PPP2R1A: variants seen among roughly 807,000 people sequenced by gnomAD.
The protein encoded by PPP2R1A is serine/threonine-protein phosphatase 2A 65 kDa regulatory subunit A alpha isoform.
Under a neutral mutation model 67.1 loss-of-function variants are expected in PPP2R1A, and 15 were observed. The observed-to-expected ratio is 0.22, with a 90% CI of 0.15 to 0.34. The LOEUF is 0.34. PPP2R1A is among the 10% of genes least tolerant of loss of function. The pLI is 1.00. For synonymous variants in PPP2R1A, 337 were observed against 325.0 expected (o/e 1.04, Z -0.40); for missense variants, 369 against 775.0 (o/e 0.48, Z 6.22).
At position 52,216,772 on chromosome 19, in the gene PPP2R1A, A is replaced by G. The variant is rs1177520872; in HGVS notation, c.1128+109A>G. Reference sequence around the variant, plus strand: ...CAGGAATCTGCTGATATCTCAACAGACATCCAGATCTTTGCTGAGTTGCAT... The same window carrying G: ...CAGGAATCTGCTGATATCTCAACAGGCATCCAGATCTTTGCTGAGTTGCAT... On this transcript the variant is annotated intron_variant, in intron 9 of 14. Coordinates refer to ENST00000322088, the MANE Select transcript of PPP2R1A (RefSeq NM_014225.6). The surrounding 1 kb of genome is among the most constrained non-coding windows in gnomAD (Gnocchi z 4.3). 3 of 1,512,892 alleles carry G rather than the reference A, an allele frequency of 2.0e-6. No individual in the cohort carries two copies. The highest frequency in any genetic ancestry group is 1.4e-5 in the African/African-American group (1 of 72,804). 93.7% of individuals were successfully genotyped at this position (1,512,892 alleles called of 1,614,324 possible). A position where few individuals can be genotyped will look rare whatever the true frequency, so the allele number is the denominator to read the frequency against.
intron 10 of PPP2R1A, 111 bp from the exon 11 acceptor site, chr19:52,220,070 AAAGTTGAG>A: frequency 7.8e-7 from 1 of 1,287,002 alleles, no homozygotes; most frequent in South Asian, 1.3e-5. Flanking sequence ...CACCTCAGAC[AAAGTTGAG>A]AAGTGTCCGG....
chr19:52,201,468 T>G, intron 1 of PPP2R1A: 1 of 154,962 alleles, frequency 6.5e-6, no homozygotes, highest in South Asian at 2.0e-4. Context: ...CCCGAGCCTG[T>G]TTCCCTGTCT....
In PPP2R1A at chr19:52,213,646, C is replaced by G. The variant is rs1978386403; in HGVS notation, c.807+536C>G. ...TACAGATGCCCACCACGACACCCGG[C>G]TAGTTTTTGTATTTTTATTAGAGAC... On this transcript the variant is annotated intron_variant, in intron 6 of 14. Transcript: ENST00000322088. This position sits in a 1 kb window ranked among gnomAD's most constrained non-coding sequence, Gnocchi z 4.2. 6.6e-6 allele frequency among the ~76,000 whole-genome samples: 1 copy of G among 151,456 alleles called. No individual in the cohort carries two copies. The highest frequency in any genetic ancestry group is 1.5e-5 in the Non-Finnish European group (1 of 67,848).
intron 3 of PPP2R1A, among the ~76,000 whole-genome samples, chr19:52,209,304 G>C (rs1159176570): frequency 1.3e-5 from 2 of 152,236 alleles, no homozygotes; most frequent in East Asian, 1.9e-4. Flanking sequence ...AGGTGAACAA[G>C]AGGAACTCTG....
chr19:52,217,837 GA>G (rs1421006085), intron 9 of PPP2R1A, among the ~76,000 whole-genome samples: 1 of 152,102 alleles, frequency 6.6e-6, no homozygotes, highest in East Asian at 1.9e-4. Flanking sequence ...GATGACTGGA[GA>G]GATCATCAGG....
At chr19:52,190,244 G>A (rs2122268411) in intron 1 of PPP2R1A, 70 bp downstream of exon 1, 2 of 1,505,676 alleles carry the variant, frequency 1.3e-6, no homozygotes, top group Non-Finnish European at 1.8e-6. Context: ...CCCTCGCGGA[G>A]AAGACTCAGC....
At chr19:52,206,179 C>T (rs1025058029) in intron 3 of PPP2R1A, 116 bp downstream of exon 3, 41 of 834,726 alleles carry the variant, frequency 4.9e-5, no homozygotes, top group Middle Eastern at 6.8e-4. Flanking sequence ...TCAGAACAGC[C>T]GGGCCATGGA....
chr19:52,190,807 C>T (rs1431558407), intron 1 of PPP2R1A, among the ~76,000 whole-genome samples: 1 of 152,198 alleles, frequency 6.6e-6, no homozygotes, highest in African/African-American at 2.4e-5. Flanking sequence ...TCCCCGGATC[C>T]TCCCATTGAC....
chr19:52,201,836 AT>A (rs759535295), intron 1 of PPP2R1A, 107 bp from the exon 2 acceptor site: 1 of 976,094 alleles, frequency 1.0e-6, no homozygotes. Flanking sequence ...GCATCTTCAC[AT>A]GTAACCAAGC....
chr19:52,201,570 GCTGC>G, intron 1 of PPP2R1A: 1 of 186,984 alleles, frequency 5.3e-6, no homozygotes, highest in South Asian at 1.1e-4. Context: ...TATAAACGTG[GCTGC>G]TGCTGTTAAA....
intron 1 of PPP2R1A, among the ~76,000 whole-genome samples, chr19:52,190,583 C>T (rs925152982): frequency 5.9e-5 from 9 of 152,162 alleles, no homozygotes; most frequent in African/African-American, 2.2e-4. Flanking sequence ...TGGGTCGGGA[C>T]CTGGGAAGGT....
intron 3 of PPP2R1A, 88 bp downstream of exon 3, chr19:52,206,151 G>T: frequency 8.5e-7 from 1 of 1,175,952 alleles, no homozygotes; most frequent in Non-Finnish European, 1.2e-6. Context: ...GAGCGTGTCA[G>T]AGAGCGTGGG....
intron 2 of PPP2R1A, 107 bp from the exon 3 acceptor site, chr19:52,205,856 C>CT: frequency 1.1e-6 from 1 of 892,872 alleles, no homozygotes; most frequent in East Asian, 2.5e-5. Context: ...GATGGAAGAA[C>CT]TGAGTGCTGA....
intron 13 of PPP2R1A, among the ~76,000 whole-genome samples, chr19:52,222,575 A>T (rs1979004659): frequency 6.6e-6 from 1 of 152,270 alleles, no homozygotes; most frequent in African/African-American, 2.4e-5. Flanking sequence ...TCAATGAAAG[A>T]TGTGTATGTA....
At chr19:52,191,711 T>A (rs2089456356) in intron 1 of PPP2R1A, among the ~76,000 whole-genome samples, 1 of 152,208 alleles carries the variant, frequency 6.6e-6, no homozygotes, top group African/African-American at 2.4e-5. Context: ...ATAGGGCGGT[T>A]GTATGAATTC....
rs941752871 is a variant in PPP2R1A at position 52,213,470 on chromosome 19, T to G, written c.807+360T>G. On this transcript the variant is annotated intron_variant, in intron 6 of 14. Coordinates refer to ENST00000322088, the MANE Select transcript of PPP2R1A (RefSeq NM_014225.6). The surrounding 1 kb of genome is among the most constrained non-coding windows in gnomAD (Gnocchi z 4.2). The stretch of plus-strand genomic sequence containing the variant: ...GGGTTTTTTGGTGTTTTTTTTTTTT[T>G]TTTTTTTTTTTTTTTTTAAGATGGA... Among the ~76,000 whole-genome samples, 11 of 115,810 alleles carry G rather than the reference T, an allele frequency of 9.5e-5. No individual in the cohort carries two copies. Among genetic ancestry groups the G allele is most frequent in the Admixed American group, 4.0e-4 (5 of 12,552 alleles). The allele number at this position is 115,810 out of a possible 152,430, so 76.0% of individuals were successfully genotyped here.
At chr19:52,195,473 A>T (rs1211735793) in intron 1 of PPP2R1A, among the ~76,000 whole-genome samples, 2 of 152,186 alleles carry the variant, frequency 1.3e-5, no homozygotes, top group Non-Finnish European at 2.9e-5. Context: ...GATGTCCTCC[A>T]ATTCAGTTCA....
intron 3 of PPP2R1A, among the ~76,000 whole-genome samples, chr19:52,208,653 C>A (rs1226937692): frequency 6.6e-6 from 1 of 152,164 alleles, no homozygotes; most frequent in African/African-American, 2.4e-5. Context: ...GCACCCATCA[C>A]CATGCCTGGC....
rs112527913 is a variant in PPP2R1A, at chr19:52,213,595, G to A, written c.807+485G>A. On this transcript the variant is annotated intron_variant, in intron 6 of 14. Transcript: ENST00000322088. This position sits in a 1 kb window ranked among gnomAD's most constrained non-coding sequence, Gnocchi z 4.2. ...CCTCCCGGGTGCAGGCATTTCTCCT[G>A]CCTCAGCCTCCTGAGGGACTGGGAT... is the stretch of plus-strand genomic sequence containing the variant. 1.1e-3 allele frequency among the ~76,000 whole-genome samples: 170 copies of A among 149,958 alleles called. 1 individual carries two copies. Among genetic ancestry groups the A allele is most frequent in the African/African-American group, 4.0e-3 (165 of 40,800 alleles).
Sources: gnomAD v4.1 joint callset for allele counts (sites outside exome capture counted in the v4.1 genomes callset) on GRCh38, gnomAD v4.1.1 for gene constraint, Gnocchi (gnomAD v3.1) non-coding constraint, MANE v1.5 for transcripts, NCBI Gene and HGNC (gene_info 2026-07-23, HGNC 2026-07-21) for gene names.